SLC16A7: variants seen among roughly 807,000 people sequenced by gnomAD.
SLC16A7 encodes the protein solute carrier family 16 member 7.
Under a neutral mutation model 34.9 loss-of-function variants are expected in SLC16A7, and 33 were observed. The observed-to-expected ratio is 0.94, with a 90% CI of 0.72 to 1.26. SLC16A7 has a LOEUF of 1.26. Ranked by LOEUF, SLC16A7 falls within the 50% of genes most tolerant of loss-of-function variation. The pLI is 0.00. For synonymous variants in SLC16A7, 201 were observed against 206.6 expected (o/e 0.97, Z 0.23); for missense variants, 573 against 578.1 (o/e 0.99, Z 0.09).
intron 1 of SLC16A7, among the ~76,000 whole-genome samples, chr12:59,651,266 A>G (rs1444467244): frequency 2.0e-5 from 3 of 152,202 alleles, no homozygotes; most frequent in African/African-American, 7.2e-5. Context: ...AAGTGAGAAC[A>G]AGATTAGTGA....
chr12:59,597,685 C>T lies in SLC16A7; in HGVS notation c.-130+1449C>T, dbSNP rs537570535. 5.3e-5 allele frequency among the ~76,000 whole-genome samples: 8 copies of T among 152,282 alleles called. No homozygotes were observed. The South Asian group carries it at 1.4e-3, about 28-fold the overall frequency. On this transcript the variant is annotated intron_variant, in intron 1 of 5. Coordinates refer to ENST00000547379, the MANE Select transcript of SLC16A7 (RefSeq NM_001270623.2). The stretch of plus-strand genomic sequence containing the variant: ...TTTAGCTCTGGTGAAGCAATCCTAA[C>T]TCCAGGTTCTACTTCTGACTGAGCA...
intron 2 of SLC16A7, among the ~76,000 whole-genome samples, chr12:59,663,531 C>T (rs1868967438): frequency 1.3e-5 from 2 of 151,972 alleles, no homozygotes; most frequent in South Asian, 4.1e-4. Context: ...ATGTATTGAA[C>T]ACTTACTAGC....
At chr12:59,674,555 C>T (rs750989866) in intron 2 of SLC16A7, among the ~76,000 whole-genome samples, 1 of 152,058 alleles carries the variant, frequency 6.6e-6, no homozygotes, top group African/African-American at 2.4e-5. Flanking sequence ...ATCTGAACTG[C>T]GCTAATATTT....
intron 1 of SLC16A7, among the ~76,000 whole-genome samples, chr12:59,620,712 G>C (rs914257128): frequency 2.0e-5 from 3 of 151,850 alleles, no homozygotes; most frequent in Admixed American, 1.3e-4. Context: ...GGAAGTAGGA[G>C]GCAAGCATTT....
At chr12:59,689,337 G>A (rs1871383582) in intron 2 of SLC16A7, 1 of 151,962 alleles carries the variant, frequency 6.6e-6, no homozygotes, top group Non-Finnish European at 1.5e-5. Flanking sequence ...ATGGAACTAA[G>A]TATGTTCAGG....
intron 1 of SLC16A7, among the ~76,000 whole-genome samples, chr12:59,621,286 C>G (rs1368719174): frequency 2.0e-5 from 3 of 151,798 alleles, no homozygotes; most frequent in Admixed American, 1.3e-4. Context: ...GTCTTCTTTC[C>G]TGGATAGAGC....
chr12:59,661,257 C>G (rs140755684), intron 2 of SLC16A7, among the ~76,000 whole-genome samples: 4 of 151,946 alleles, frequency 2.6e-5, no homozygotes, highest in African/African-American at 9.7e-5. Flanking sequence ...GCTGGGATAA[C>G]AATTGGAGGC....
intron 4 of SLC16A7, 21 bp downstream of exon 4, chr12:59,771,383 C>G (rs1446870242): frequency 2.0e-6 from 3 of 1,532,126 alleles, no homozygotes; most frequent in Non-Finnish European, 2.6e-6. Flanking sequence ...TAGTCTTCAG[C>G]TTATTCTTAA....
intron 3 of SLC16A7, among the ~76,000 whole-genome samples, chr12:59,723,062 C>T (rs1230903220): frequency 5.9e-5 from 9 of 151,894 alleles, no homozygotes; most frequent in Admixed American, 2.6e-4. Context: ...CAGTCCCCCA[C>T]TGGAATATAA....
intron 1 of SLC16A7, among the ~76,000 whole-genome samples, chr12:59,644,426 A>G (rs528352330): frequency 1.7e-4 from 26 of 152,106 alleles, no homozygotes; most frequent in African/African-American, 6.0e-4. Flanking sequence ...AATGAGCCGA[A>G]CATGTTGGCG....
At chr12:59,751,699 G>A (rs1879591141) in intron 3 of SLC16A7, among the ~76,000 whole-genome samples, 1 of 152,218 alleles carries the variant, frequency 6.6e-6, no homozygotes, top group African/African-American at 2.4e-5. Context: ...AAAAAAGACA[G>A]CAGTAACCTC....
chr12:59,768,208 C>A, intron 3 of SLC16A7: 1 of 455,660 alleles, frequency 2.2e-6, no homozygotes, highest in Non-Finnish European at 4.4e-6. Flanking sequence ...TTCTAGATAA[C>A]ATCACGATCA....
intron 1 of SLC16A7, among the ~76,000 whole-genome samples, chr12:59,614,683 C>A (rs1282096855): frequency 6.6e-6 from 1 of 151,144 alleles, no homozygotes; most frequent in Non-Finnish European, 1.5e-5. Flanking sequence ...GGAGTCAGGC[C>A]CTTATATAAA....
intron 2 of SLC16A7, among the ~76,000 whole-genome samples, chr12:59,665,883 C>G (rs1869160860): frequency 6.7e-6 from 1 of 149,908 alleles, no homozygotes; most frequent in Admixed American, 6.7e-5. Context: ...AGTGTCTGAC[C>G]TTTGTTATCT....
Position 59,599,938 on chromosome 12 carries a change from T to G in SLC16A7, c.-130+3702T>G, listed in dbSNP as rs77900384. 3.4e-3 allele frequency among the ~76,000 whole-genome samples: 515 copies of G among 152,322 alleles called. 6 individuals carry two copies. The highest frequency in any genetic ancestry group is 0.012 in the African/African-American group (493 of 41,586). ...AGTAGATGGTATATCTGATTCATCT[T>G]GGAACCTCTGTGGAGCTGCTGCTTG... On this transcript the variant is annotated intron_variant, in intron 1 of 5. Coordinates refer to ENST00000547379, the MANE Select transcript of SLC16A7 (RefSeq NM_001270623.2).
At chr12:59,613,481 G>A (rs1012733645) in intron 1 of SLC16A7, among the ~76,000 whole-genome samples, 9 of 152,124 alleles carry the variant, frequency 5.9e-5, no homozygotes, top group Non-Finnish European at 1.2e-4. Context: ...TAGTTTTGGG[G>A]ACATATATAT....
chr12:59,607,084 C>G (rs879809654), intron 1 of SLC16A7, among the ~76,000 whole-genome samples: 1 of 152,114 alleles, frequency 6.6e-6, no homozygotes, highest in Non-Finnish European at 1.5e-5. Flanking sequence ...GGCTGCCTTC[C>G]TGCTGCAGGG....
rs1883178040 is a variant in SLC16A7 at position 59,780,632 on chromosome 12, T to C, written c.*953T>C. On this transcript the variant is annotated 3_prime_UTR_variant, in exon 6 of 6. Coordinates refer to ENST00000547379, the MANE Select transcript of SLC16A7 (RefSeq NM_001270623.2). ...GAAAGTAATAATCAGGGATTTTATT[T>C]TAATCAGGCATCAATCCAGATTCAC... 6.6e-6 allele frequency: 1 copy of C among 152,180 alleles called. No individual in the cohort carries two copies. Among genetic ancestry groups the C allele is most frequent in the Non-Finnish European group, 1.5e-5 (1 of 68,034 alleles). 9.4% of individuals were successfully genotyped at this position (152,180 alleles called of 1,614,324 possible).
chr12:59,650,490 AC>A (rs1471246973), intron 1 of SLC16A7, among the ~76,000 whole-genome samples: 1 of 152,110 alleles, frequency 6.6e-6, no homozygotes, highest in Non-Finnish European at 1.5e-5. Context: ...TGAGAACTTG[AC>A]TTCTCCAAGC....
Sources: gnomAD v4.1 joint callset for allele counts (sites outside exome capture counted in the v4.1 genomes callset) on GRCh38, gnomAD v4.1.1 for gene constraint, MANE v1.5 for transcripts, NCBI Gene and HGNC (gene_info 2026-07-23, HGNC 2026-07-21) for gene names.